Variants in PIEZO2 observed in about 807,000 individuals in gnomAD.
PIEZO2 encodes the protein piezo-type mechanosensitive ion channel component 2.
A neutral mutation model predicts 337.3 loss-of-function variants in PIEZO2; 172 were observed. That is an observed-to-expected ratio of 0.51 (90% CI 0.45 to 0.58). The LOEUF (loss-of-function observed/expected upper bound fraction) is 0.58, where lower values mean the gene tolerates loss of function less well. PIEZO2 is among the 20% of genes least tolerant of loss of function. PIEZO2 has a pLI of 0.00. For missense variants in PIEZO2, 3,028 were observed against 3,391.3 expected (o/e 0.89, Z 2.66); for synonymous variants, 1,251 against 1,228.5 (o/e 1.02, Z -0.38).
chr18:10,929,286 C>T lies in PIEZO2; in HGVS notation c.287-18058G>A, dbSNP rs190186115. Among the ~76,000 whole-genome samples the T allele has an allele frequency of 2.0e-5, 3 of 152,310 alleles. No individual in the cohort carries two copies. Among genetic ancestry groups the T allele is most frequent in the African/African-American group, 4.8e-5 (2 of 41,578 alleles). ...AGTGTGAGCGAGCTGCAAACGTGCA[C>T]GCATCATATGAAGGTGTTATGCTGC... On this transcript the variant is annotated intron_variant, in intron 3 of 55. Transcript: ENST00000674853. This position sits in a 1 kb window ranked among gnomAD's most constrained non-coding sequence, Gnocchi z 5.6.
intron 5 of PIEZO2, among the ~76,000 whole-genome samples, chr18:10,868,696 GGAAGT>G (rs2042067049): frequency 6.6e-6 from 1 of 152,146 alleles, no homozygotes; most frequent in South Asian, 2.1e-4. Context: ...AATTTCAAAT[GGAAGT>G]GAAGTATCCT....
At chr18:10,696,603 A>C in intron 45 of PIEZO2, 64 bp from the exon 46 acceptor site, 1 of 1,562,986 alleles carries the variant, frequency 6.4e-7, no homozygotes, top group East Asian at 2.2e-5. Context: ...GGCAGAAATG[A>C]CCAGACACTG....
chr18:10,674,023 T>G (rs550870084), intron 54 of PIEZO2, among the ~76,000 whole-genome samples: 19 of 152,270 alleles, frequency 1.2e-4, no homozygotes, highest in African/African-American at 4.3e-4. Context: ...TTGGAAAAGC[T>G]TGTCCTAGAT....
chr18:10,744,002 GAATA>G, intron 31 of PIEZO2, 136 bp downstream of exon 31: 1 of 603,930 alleles, frequency 1.7e-6, no homozygotes, highest in Non-Finnish European at 2.8e-6. Flanking sequence ...CCCCGCACAA[GAATA>G]AATAAATAGG....
In PIEZO2 at chr18:10,705,396, C is replaced by G. The variant is rs750736757; in HGVS notation, c.5939G>C (p.Gly1980Ala). 6.5e-7 allele frequency: 1 copy of G among 1,537,208 alleles called. No homozygotes were observed. The highest frequency in any genetic ancestry group is 1.2e-5 in the South Asian group (1 of 84,062). Reference sequence around the variant, plus strand: ...GGTCAGGGGAGGTAAGATGCTGGACCCCAGCTTGTCGGTGCGGCTGTCGTC... The same window carrying G: ...GGTCAGGGGAGGTAAGATGCTGGACGCCAGCTTGTCGGTGCGGCTGTCGTC... ...SPDDSRTDKL[G>A]SSILPPLTHE... Residue 1980 changes from glycine to alanine, a missense_variant, in exon 41 of 56, where the codon GGG (glycine) becomes GCG (alanine). Gly to Ala is a moderately conservative substitution (Grantham distance 60). This residue lies in a region of PIEZO2 where 1,925 missense variants were observed against 2,051.9 expected (regional missense o/e 0.94). Coordinates refer to ENST00000674853, the MANE Select transcript of PIEZO2 (RefSeq NM_001378183.1).
intron 38 of PIEZO2, among the ~76,000 whole-genome samples, chr18:10,715,209 C>T (rs2035964988): frequency 6.6e-6 from 1 of 152,104 alleles, no homozygotes; most frequent in African/African-American, 2.4e-5. Flanking sequence ...GTCTTTAAAC[C>T]ATATATTTTG....
intron 3 of PIEZO2, among the ~76,000 whole-genome samples, chr18:10,934,993 A>T (rs2032302948): frequency 6.6e-6 from 1 of 152,130 alleles, no homozygotes; most frequent in South Asian, 2.1e-4. Context: ...ATGAAGCAGA[A>T]AAGCCAGGAT....
Position 11,143,775 on chromosome 18 carries a change from T to TC in PIEZO2, c.64+4749dup, listed in dbSNP as rs2040737916. Among the ~76,000 whole-genome samples, 1 of 151,904 alleles carries TC rather than the reference T, an allele frequency of 6.6e-6. No homozygotes were observed. Among genetic ancestry groups the TC allele is most frequent in the African/African-American group, 2.4e-5 (1 of 41,388 alleles). ...CCTTCTCCTGGCCCATGCTCTTACC[T>TC]CCTAGTCTGTTAATTTTGACTGAGA... On this transcript the variant is annotated intron_variant, in intron 1 of 55. Transcript: ENST00000674853. This position sits in a 1 kb window ranked among gnomAD's most constrained non-coding sequence, Gnocchi z 4.9.
intron 17 of PIEZO2, among the ~76,000 whole-genome samples, chr18:10,780,748 C>A (rs1026996746): frequency 6.6e-6 from 1 of 150,394 alleles, no homozygotes; most frequent in African/African-American, 2.5e-5. Context: ...TGGCAGCCTC[C>A]GCCTCCTGGG....
intron 3 of PIEZO2, among the ~76,000 whole-genome samples, chr18:10,951,068 C>T (rs553822322): frequency 2.0e-5 from 3 of 152,272 alleles, no homozygotes; most frequent in African/African-American, 7.2e-5. Flanking sequence ...TAATTCTCTG[C>T]AAGTCCAGGT....
At chr18:10,678,656 C>G (rs1445832863) in intron 52 of PIEZO2, among the ~76,000 whole-genome samples, 1 of 152,082 alleles carries the variant, frequency 6.6e-6, no homozygotes, top group Non-Finnish European at 1.5e-5. Context: ...TTGAGGTTCC[C>G]AAAACTGCAT....
rs757574861 is a variant in PIEZO2, at chr18:11,148,618, G to T, written c.-30C>A. On this transcript the variant is annotated 5_prime_UTR_variant, in exon 1 of 56. Coordinates refer to ENST00000674853, the MANE Select transcript of PIEZO2 (RefSeq NM_001378183.1). This position sits in a 1 kb window ranked among gnomAD's most constrained non-coding sequence, Gnocchi z 5.2. ...TCGGTCCGGCGAGTCGGAGCAGAGG[G>T]GCGAGGCTCGAGGGTCCCTAGGGGT... 6.2e-5 allele frequency: 95 copies of T among 1,536,526 alleles called. No individual in the cohort carries two copies. In the African/African-American group the frequency reaches 1.1e-3, roughly 18 times the overall value.
At chr18:10,933,884 G>A (rs1222200105) in intron 3 of PIEZO2, among the ~76,000 whole-genome samples, 1 of 152,208 alleles carries the variant, frequency 6.6e-6, no homozygotes, top group African/African-American at 2.4e-5. Flanking sequence ...CCCTGCACAA[G>A]CTCCCTCTTG....
At chr18:11,098,781 T>C (rs1454015533) in intron 1 of PIEZO2, among the ~76,000 whole-genome samples, 1 of 151,942 alleles carries the variant, frequency 6.6e-6, no homozygotes, top group East Asian at 1.9e-4. Flanking sequence ...TTAAATTTAT[T>C]TATTTATTTT....
chr18:10,948,445 C>T (rs1236816306), intron 3 of PIEZO2, among the ~76,000 whole-genome samples: 1 of 152,070 alleles, frequency 6.6e-6, no homozygotes, highest in East Asian at 1.9e-4. Context: ...CCAGCAAATG[C>T]CAAATAACCC....
At position 10,770,572 on chromosome 18, in the gene PIEZO2, TCTTCCTTC is replaced by T. The variant is rs34271749; in HGVS notation, c.2786-272_2786-265del. Among the ~76,000 whole-genome samples the T allele has an allele frequency of 0.028, 4,275 of 151,530 alleles. 201 individuals carry two copies. The highest frequency in any genetic ancestry group is 0.098 in the African/African-American group (4,044 of 41,300). ...AGTGTAAAGAAGGATTTTGACATTA[TCTTCCTTC>T]CTTCCTTCCTTCCACTCGCTTGCTT... On this transcript the variant is annotated intron_variant, in intron 20 of 55. Coordinates refer to ENST00000674853, the MANE Select transcript of PIEZO2 (RefSeq NM_001378183.1).
chr18:11,008,510 C>T (rs2035793892), intron 2 of PIEZO2, among the ~76,000 whole-genome samples: 1 of 152,156 alleles, frequency 6.6e-6, no homozygotes, highest in African/African-American at 2.4e-5. Context: ...CCTGTGTGAG[C>T]CTGTCTTTGG....
chr18:10,920,983 G>A (rs540103424), intron 3 of PIEZO2, among the ~76,000 whole-genome samples: 2 of 152,264 alleles, frequency 1.3e-5, no homozygotes, highest in Admixed American at 6.5e-5. Context: ...AACCTGGGAG[G>A]CAGAGGTTGC....
intron 14 of PIEZO2, 105 bp downstream of exon 14, chr18:10,791,096 A>T: frequency 1.6e-6 from 2 of 1,225,904 alleles, no homozygotes; most frequent in South Asian, 1.7e-5. Context: ...CCAAGTTTAC[A>T]TTCCAGTTTC....
Sources: gnomAD v4.1 joint callset for allele counts (sites outside exome capture counted in the v4.1 genomes callset) on GRCh38, gnomAD v4.1.1 for gene constraint, gnomAD v4.1.1 regional missense constraint, Gnocchi (gnomAD v3.1) non-coding constraint, MANE v1.5 for transcripts, NCBI Gene and HGNC (gene_info 2026-07-23, HGNC 2026-07-21) for gene names.